APOOL: variants seen among roughly 807,000 people sequenced by gnomAD.
The protein encoded by APOOL is apolipoprotein O like, also known as MICOS complex subunit MIC27.
In APOOL, 12 loss-of-function variants were observed where a neutral mutation model predicts 23.1. The observed-to-expected ratio is 0.52, with a 90% confidence interval of 0.33 to 0.84. The LOEUF is 0.84. Ranked by LOEUF, APOOL falls within the 40% of genes least tolerant of loss-of-function variation. The pLI is 0.02. For missense variants in APOOL, 212 were observed against 199.6 expected, an observed-to-expected ratio of 1.06 and a Z score of -0.37; for synonymous variants, 77 against 69.9, an observed-to-expected ratio of 1.10 and a Z score of -0.51.
At chrX:85,026,228 A>G (rs1203756262) in intron 1 of APOOL, among the ~76,000 whole-genome samples, 2 of 113,413 alleles carry the variant, frequency 1.8e-5, no homozygotes, top group Non-Finnish European at 3.7e-5. Context: ...CCTTTGGGCC[A>G]TGGCTGGAGC....
chrX:85,015,124 C>T (rs1169348143), intron 1 of APOOL, among the ~76,000 whole-genome samples: 1 of 111,326 alleles, frequency 9.0e-6, no homozygotes, highest in African/African-American at 3.3e-5. Flanking sequence ...TTGAAAATTT[C>T]CACTGCATTT....
At chrX:85,075,790 G>A (rs1423859043) in intron 8 of APOOL, among the ~76,000 whole-genome samples, 2 of 111,492 alleles carry the variant, frequency 1.8e-5, no homozygotes, top group Non-Finnish European at 3.8e-5. Flanking sequence ...GGGTGATGTG[G>A]TATATGAAAA....
intron 8 of APOOL, among the ~76,000 whole-genome samples, chrX:85,086,794 G>A (rs1222142482): frequency 1.4e-5 from 1 of 72,491 alleles, no homozygotes; most frequent in African/African-American, 5.5e-5. Flanking sequence ...CCGCTTCCCG[G>A]GTTCACGCCA....
At chrX:85,029,877 A>T (rs1921974683) in intron 1 of APOOL, among the ~76,000 whole-genome samples, 2 of 112,228 alleles carry the variant, frequency 1.8e-5, no homozygotes, top group Non-Finnish European at 3.8e-5. Flanking sequence ...GTTCATGTGG[A>T]TGTGGTGAAA....
At chrX:85,075,413 T>C (rs1052976255) in intron 8 of APOOL, among the ~76,000 whole-genome samples, 3 of 111,495 alleles carry the variant, frequency 2.7e-5, no homozygotes, top group Non-Finnish European at 5.7e-5. Flanking sequence ...CTAAGTTCTT[T>C]CCATTGTCTA....
chrX:85,016,954 C>G (rs1280715123), intron 1 of APOOL, among the ~76,000 whole-genome samples: 1 of 112,395 alleles, frequency 8.9e-6, no homozygotes, highest in Non-Finnish European at 1.9e-5. Context: ...GGAGGTAACA[C>G]ATTCAAGATA....
chrX:85,089,643 C>T lies in APOOL; in HGVS notation c.*1965C>T, dbSNP rs779309705. On this transcript the variant is annotated 3_prime_UTR_variant, in exon 9 of 9. Transcript: ENST00000373173. ...TTCAGGCACCATTTGTTTTATTATT[C>T]ATATTTTCAACCCCCATATCTCTCT... The T allele has an allele frequency of 9.0e-6, 1 of 111,420 alleles. No individual in the cohort carries two copies. The highest frequency in any genetic ancestry group is 3.3e-5 in the African/African-American group (1 of 30,674). 9.2% of individuals were successfully genotyped at this position (111,420 alleles called of 1,213,427 possible).
At chrX:85,056,703 A>G (rs1333139345) in intron 5 of APOOL, among the ~76,000 whole-genome samples, 1 of 111,699 alleles carries the variant, frequency 9.0e-6, no homozygotes. Flanking sequence ...AGATCATGCC[A>G]TTACACTTCA....
intron 5 of APOOL, among the ~76,000 whole-genome samples, chrX:85,063,040 G>C (rs761114460): frequency 9.0e-5 from 10 of 111,214 alleles, no homozygotes; most frequent in Middle Eastern, 9.3e-3. Flanking sequence ...TGATTTCCTC[G>C]AGCAATGGTT....
At chrX:85,087,567 T>G (rs375241881) in intron 8 of APOOL, 23 bp from the exon 9 acceptor site, 102 of 1,163,332 alleles carry the variant, frequency 8.8e-5, no homozygotes, top group Non-Finnish European at 1.0e-4. Context: ...CTAATTTTTC[T>G]TTTCATTTTA....
intron 5 of APOOL, among the ~76,000 whole-genome samples, chrX:85,063,144 T>C (rs751210899): frequency 9.0e-6 from 1 of 111,538 alleles, no homozygotes; most frequent in Non-Finnish European, 1.9e-5. Context: ...AGTTCATTTA[T>C]GATTTGGCTC....
At chrX:85,030,250 C>T (rs760517752) in intron 1 of APOOL, among the ~76,000 whole-genome samples, 10 of 111,358 alleles carry the variant, frequency 9.0e-5, no homozygotes, top group Non-Finnish European at 1.7e-4. Flanking sequence ...TGAAGTAACA[C>T]AGGAGTGGAA....
rs774808838 is a variant in APOOL at position 85,092,479 on chromosome X, C to T, written c.*4801C>T. ...CTCAGAGGAAAGGTCTAAAGCCCCTCGACTAGTATAGTAGTTGATAGAAGC... is the reference window on the plus strand; with the variant it reads ...CTCAGAGGAAAGGTCTAAAGCCCCTTGACTAGTATAGTAGTTGATAGAAGC... On this transcript the variant is annotated 3_prime_UTR_variant, in exon 9 of 9. Coordinates refer to ENST00000373173, the MANE Select transcript of APOOL (RefSeq NM_198450.6). 4 of 1,206,517 alleles carry T rather than the reference C, an allele frequency of 3.3e-6. No individual in the cohort carries two copies. The Admixed American group carries it at 6.6e-5, about 20-fold the overall frequency.
At chrX:85,045,462 T>A (rs1158536423) in intron 1 of APOOL, among the ~76,000 whole-genome samples, 1 of 111,950 alleles carries the variant, frequency 8.9e-6, no homozygotes, top group Admixed American at 9.5e-5. Context: ...GGAGAACATT[T>A]AGAATCCTTT....
intron 1 of APOOL, among the ~76,000 whole-genome samples, chrX:85,046,008 A>G (rs145908254): frequency 0.034 from 3,798 of 110,673 alleles, 184 homozygotes; most frequent in African/African-American, 0.12. Flanking sequence ...CTGGAATGTC[A>G]TTTGTATGAG....
At chrX:85,026,852 A>G (rs1364656836) in intron 1 of APOOL, among the ~76,000 whole-genome samples, 2 of 111,722 alleles carry the variant, frequency 1.8e-5, no homozygotes, top group Non-Finnish European at 3.8e-5. Context: ...ACCAGTCTCT[A>G]AGAAGTTCCA....
rs767486024 is a variant in APOOL, at chrX:85,055,011, C to T, written c.295+613C>T. 7.2e-4 allele frequency among the ~76,000 whole-genome samples: 80 copies of T among 111,552 alleles called. 1 individual carries two copies. The highest frequency in any genetic ancestry group is 2.4e-3 in the African/African-American group (75 of 30,891). On this transcript the variant is annotated intron_variant, in intron 4 of 8. Coordinates refer to ENST00000373173, the MANE Select transcript of APOOL (RefSeq NM_198450.6). ...TAATGGTGTTTGGCAACAGATATAGCTTTGTAATATTCTTGGCTTATGCCA... is the reference window on the plus strand; with the variant it reads ...TAATGGTGTTTGGCAACAGATATAGTTTTGTAATATTCTTGGCTTATGCCA...
chrX:85,033,459 C>T (rs1310081784), intron 1 of APOOL, among the ~76,000 whole-genome samples: 1 of 111,762 alleles, frequency 8.9e-6, no homozygotes. Context: ...ATGTGGGCAA[C>T]AGCGAAAAAT....
intron 1 of APOOL, among the ~76,000 whole-genome samples, chrX:85,029,415 T>G (rs1337553684): frequency 8.9e-6 from 1 of 112,116 alleles, no homozygotes; most frequent in Non-Finnish European, 1.9e-5. Context: ...AACACTATGC[T>G]AGGGCTATTT....
Sources: allele counts gnomAD v4.1 joint callset (sites outside exome capture counted in the v4.1 genomes callset), GRCh38; gene constraint gnomAD v4.1.1; transcripts MANE v1.5; gene names NCBI Gene and HGNC (gene_info 2026-07-23, HGNC 2026-07-21).